LRP1B: variants seen among roughly 807,000 people sequenced by gnomAD.
The protein encoded by LRP1B is low-density lipoprotein receptor-related protein 1B.
Under a neutral mutation model 556.6 loss-of-function variants are expected in LRP1B, and 217 were observed. That is an observed-to-expected ratio of 0.39 (90% CI 0.35 to 0.44). The LOEUF (loss-of-function observed/expected upper bound fraction) is 0.44. LRP1B is among the 20% of genes least tolerant of loss of function. LRP1B has a pLI of 1.00. For missense variants in LRP1B, 5,053 were observed against 5,620.8 expected (o/e 0.90, Z 3.23); for synonymous variants, 2,047 against 1,865.8 (o/e 1.10, Z -2.50).
At chr2:142,000,952 C>G (rs993297165) in intron 1 of LRP1B, among the ~76,000 whole-genome samples, 1 of 152,072 alleles carries the variant, frequency 6.6e-6, no homozygotes, top group Non-Finnish European at 1.5e-5. Context: ...GTGGGAGGGA[C>G]CCAGTGAAAA....
At chr2:140,994,227 G>A (rs1697176753) in intron 15 of LRP1B, 92 bp from the exon 16 acceptor site, 1 of 1,098,676 alleles carries the variant, frequency 9.1e-7, no homozygotes, top group African/African-American at 1.6e-5. Context: ...GTTTGTTTTA[G>A]ATTCTACATA....
chr2:141,969,729 C>T (rs1174944423), intron 1 of LRP1B, among the ~76,000 whole-genome samples: 2 of 151,560 alleles, frequency 1.3e-5, no homozygotes, highest in African/African-American at 2.4e-5. Flanking sequence ...AACATCTCTT[C>T]GACATACTGA....
At chr2:140,906,842 A>C (rs1331824065) in intron 22 of LRP1B, among the ~76,000 whole-genome samples, 2 of 151,966 alleles carry the variant, frequency 1.3e-5, no homozygotes, top group African/African-American at 4.8e-5. Context: ...TGCTCAACTT[A>C]AGTTCTTTTA....
chr2:140,737,172 T>A (rs928571485), intron 35 of LRP1B, among the ~76,000 whole-genome samples: 23 of 152,096 alleles, frequency 1.5e-4, no homozygotes, highest in African/African-American at 5.5e-4. Context: ...ACCCAGCAAA[T>A]GAAGAAGTAG....
chr2:142,020,761 A>G (rs1271051547), intron 1 of LRP1B, among the ~76,000 whole-genome samples: 1 of 152,206 alleles, frequency 6.6e-6, no homozygotes, highest in Non-Finnish European at 1.5e-5. Context: ...TTCTTGGTTC[A>G]TGGTGTAAGT....
chr2:140,747,903 T>C (rs1184139989), intron 35 of LRP1B, among the ~76,000 whole-genome samples: 1 of 151,630 alleles, frequency 6.6e-6, no homozygotes, highest in East Asian at 1.9e-4. Flanking sequence ...TTATATGTGA[T>C]TGCAAATGCG....
rs139433313 is a variant in LRP1B, at chr2:140,296,347, A to G, written c.12967+1461T>C. On this transcript the variant is annotated intron_variant, in intron 84 of 90. Transcript: ENST00000389484. The stretch of plus-strand genomic sequence containing the variant: ...TGGACATATTCTAAAATTCGAAAAA[A>G]TCTGAAATCCAAAATACTTCTGGTC... 2.0e-5 allele frequency among the ~76,000 whole-genome samples: 3 copies of G among 152,314 alleles called. No homozygotes were observed. In the East Asian group the frequency reaches 5.8e-4, roughly 29 times the overall value.
chr2:142,001,893 C>T (rs891626450), intron 1 of LRP1B, among the ~76,000 whole-genome samples: 5 of 152,008 alleles, frequency 3.3e-5, no homozygotes, highest in African/African-American at 2.4e-5. Context: ...ATTTTCAAAG[C>T]GGCATGCTCT....
At chr2:140,551,736 T>C (rs1680555610) in intron 43 of LRP1B, among the ~76,000 whole-genome samples, 1 of 152,160 alleles carries the variant, frequency 6.6e-6, no homozygotes, top group Non-Finnish European at 1.5e-5. Context: ...ATACTTCTGA[T>C]ATTTTGAGTA....
chr2:141,921,790 T>C (rs1207398198), intron 1 of LRP1B, among the ~76,000 whole-genome samples: 1 of 152,066 alleles, frequency 6.6e-6, no homozygotes, highest in Non-Finnish European at 1.5e-5. Flanking sequence ...AAATATTCCA[T>C]TCAAAAATCT....
intron 7 of LRP1B, among the ~76,000 whole-genome samples, chr2:141,120,720 G>C (rs1028877760): frequency 6.6e-6 from 1 of 151,868 alleles, no homozygotes; most frequent in African/African-American, 2.4e-5. Context: ...TGCTCTAAAA[G>C]AAGAATATGT....
chr2:140,780,106 G>A (rs1426746029), intron 32 of LRP1B, among the ~76,000 whole-genome samples: 1 of 151,900 alleles, frequency 6.6e-6, no homozygotes, highest in African/African-American at 2.4e-5. Context: ...GGGAGGAAGG[G>A]AAGAAAATAG....
intron 29 of LRP1B, among the ~76,000 whole-genome samples, chr2:140,848,969 C>A (rs1449654316): frequency 6.6e-6 from 1 of 151,974 alleles, no homozygotes; most frequent in Non-Finnish European, 1.5e-5. Context: ...ATAATTCAAC[C>A]TGCTGGATCA....
chr2:141,850,703 T>C (rs1697821361), intron 1 of LRP1B, among the ~76,000 whole-genome samples: 1 of 149,614 alleles, frequency 6.7e-6, no homozygotes, highest in African/African-American at 2.5e-5. Context: ...CCTGGCACAA[T>C]TCAATAGGTG....
In LRP1B at chr2:141,111,773, G is replaced by A. The variant is rs574582294; in HGVS notation, c.1014-49500C>T. Among the ~76,000 whole-genome samples the A allele has an allele frequency of 7.3e-4, 111 of 152,152 alleles. 1 individual carries two copies. Among genetic ancestry groups the A allele is most frequent in the African/African-American group, 2.5e-3 (102 of 41,516 alleles). On this transcript the variant is annotated intron_variant, in intron 7 of 90. Transcript: ENST00000389484. Reference sequence around the variant, plus strand: ...TCACTTAACAAATTCTACTCCAGCCGGTAGTGGTGGCTCACGCCTGTAATC... The same window carrying A: ...TCACTTAACAAATTCTACTCCAGCCAGTAGTGGTGGCTCACGCCTGTAATC...
At chr2:141,429,423 A>T (rs1223077182) in intron 3 of LRP1B, among the ~76,000 whole-genome samples, 4 of 152,180 alleles carry the variant, frequency 2.6e-5, no homozygotes, top group Admixed American at 6.6e-5. Flanking sequence ...AAGTTACCAA[A>T]TTCCAGGTTG....
At position 141,155,523 on chromosome 2, in the gene LRP1B, A is replaced by C. The variant is rs1249450; in HGVS notation, c.1013+32898T>G. ...TTTAAGTTCTGGGATACATGTACAG[A>C]ACGTGCAGGTTTGTTACATAGGTAT... is the stretch of plus-strand genomic sequence containing the variant. On this transcript the variant is annotated intron_variant, in intron 7 of 90. Coordinates refer to ENST00000389484, the MANE Select transcript of LRP1B (RefSeq NM_018557.3). Among the ~76,000 whole-genome samples the C allele has an allele frequency of 5.7e-3, 866 of 151,698 alleles. 10 individuals carry two copies. Among genetic ancestry groups the C allele is most frequent in the African/African-American group, 0.02 (832 of 41,436 alleles).
chr2:140,536,493 C>G (rs537641116), intron 46 of LRP1B, 88 bp downstream of exon 46: 3 of 1,289,718 alleles, frequency 2.3e-6, no homozygotes, highest in East Asian at 2.4e-5. Context: ...AAATTATCCA[C>G]GTAAACCACA....
chr2:141,253,374 T>G (rs987439756), intron 4 of LRP1B, among the ~76,000 whole-genome samples: 2 of 152,218 alleles, frequency 1.3e-5, no homozygotes. Context: ...GGTCAGATTA[T>G]GCAGTCTCTG....
Sources: allele counts gnomAD v4.1 joint callset (sites outside exome capture counted in the v4.1 genomes callset), GRCh38; gene constraint gnomAD v4.1.1; transcripts MANE v1.5; gene names NCBI Gene and HGNC (gene_info 2026-07-23, HGNC 2026-07-21).